DIO2: variants seen among roughly 807,000 people sequenced by gnomAD.
DIO2 encodes the protein iodothyronine deiodinase 2.
A neutral mutation model predicts 21.4 loss-of-function variants in DIO2; 19 were observed. The observed-to-expected ratio is 0.89, with a 90% CI of 0.62 to 1.30. DIO2 has a LOEUF of 1.30. Ranked by LOEUF, DIO2 falls within the 50% of genes most tolerant of loss-of-function variation. The probability of loss-of-function intolerance (pLI) is 0.00; values close to 1 mark genes in which losing one functional copy is unlikely to be tolerated. For synonymous variants in DIO2, 122 were observed against 132.9 expected, an observed-to-expected ratio of 0.92 and a Z score of 0.57; for missense variants, 302 against 338.1, an observed-to-expected ratio of 0.89 and a Z score of 0.84.
intron 1 of DIO2, among the ~76,000 whole-genome samples, chr14:80,206,491 C>A (rs935042414): frequency 6.6e-6 from 1 of 151,800 alleles, no homozygotes; most frequent in Admixed American, 6.6e-5. Flanking sequence ...AAATGGAGAA[C>A]TTCTTGGTTT....
rs76624161 is a variant in DIO2 at position 80,219,839 on chromosome 14, G to A, written c.-277-3102C>T. Among the ~76,000 whole-genome samples the A allele has an allele frequency of 5.9e-5, 9 of 152,218 alleles. No individual in the cohort carries two copies. In the East Asian group the frequency reaches 1.4e-3, roughly 23 times the overall value. On this transcript the variant is annotated intron_variant, in intron 2 of 4. Transcript: ENST00000553594. The stretch of plus-strand genomic sequence containing the variant: ...GTATTACAAAATGAAATTCATTCAC[G>A]TGGTATTTGATAATGGAACAAGTTT...
At chr14:80,215,152 C>T (rs144961880), upstream of DIO2, among the ~76,000 whole-genome samples, 527 of 152,266 alleles carry the variant, frequency 3.5e-3, 2 homozygotes, top group Non-Finnish European at 6.1e-3. Context: ...TGCAAACCAA[C>T]GAGGGGCATG....
At chr14:80,229,332 T>C (rs908270997) in intron 2 of DIO2, among the ~76,000 whole-genome samples, 5 of 152,204 alleles carry the variant, frequency 3.3e-5, no homozygotes, top group African/African-American at 1.2e-4. Flanking sequence ...TTGCCTTTGA[T>C]GGTTGAGTGC....
chr14:80,205,432 T>C (rs759334718), intron 1 of DIO2, among the ~76,000 whole-genome samples: 1 of 152,218 alleles, frequency 6.6e-6, no homozygotes. Flanking sequence ...AAAACATTCA[T>C]CTGCATTTTG....
chr14:80,209,015 T>C (rs532066207), intron 1 of DIO2, among the ~76,000 whole-genome samples: 6 of 152,148 alleles, frequency 3.9e-5, no homozygotes, highest in African/African-American at 1.2e-4. Flanking sequence ...GACAAAGAAA[T>C]ACAGAATAGG....
upstream of DIO2, chr14:80,216,233 G>A (rs1888349587): frequency 1.3e-5 from 2 of 152,310 alleles, no homozygotes; most frequent in Admixed American, 6.5e-5. Context: ...GGGAGATAAA[G>A]ATGGTAGGAG....
At chr14:80,223,199 AT>A (rs1247858208) in intron 2 of DIO2, among the ~76,000 whole-genome samples, 1 of 151,938 alleles carries the variant, frequency 6.6e-6, no homozygotes, top group Non-Finnish European at 1.5e-5. Flanking sequence ...TTGAAATTTT[AT>A]TTTTTTAATT....
upstream of DIO2, chr14:80,211,702 G>T: frequency 3.8e-6 from 1 of 263,766 alleles, no homozygotes; most frequent in Non-Finnish European, 6.8e-6. Flanking sequence ...GTTGGAGTGT[G>T]CCCATCAATT....
chr14:80,229,102 G>A (rs1419627368), intron 2 of DIO2, among the ~76,000 whole-genome samples: 2 of 152,134 alleles, frequency 1.3e-5, no homozygotes, highest in African/African-American at 2.4e-5. Context: ...AATTGATTGA[G>A]GGGCCATGAT....
chr14:80,212,365 G>A (rs1440798384), upstream of DIO2, among the ~76,000 whole-genome samples: 1 of 151,960 alleles, frequency 6.6e-6, no homozygotes, highest in East Asian at 1.9e-4. Flanking sequence ...GTTGGGGAGA[G>A]ACAGTGGAAT....
chr14:80,227,776 C>T (rs1888605217), intron 2 of DIO2, among the ~76,000 whole-genome samples: 1 of 152,170 alleles, frequency 6.6e-6, no homozygotes, highest in Non-Finnish European at 1.5e-5. Flanking sequence ...GGATTCCACT[C>T]AAAAATGGCA....
upstream of DIO2, among the ~76,000 whole-genome samples, chr14:80,213,511 G>A (rs1566665162): frequency 6.6e-6 from 1 of 152,090 alleles, no homozygotes; most frequent in Non-Finnish European, 1.5e-5. Context: ...TGTTTGGTTG[G>A]CAGGTTGCTT....
intron 1 of DIO2, among the ~76,000 whole-genome samples, chr14:80,207,565 C>A (rs772132626): frequency 2.6e-5 from 4 of 152,134 alleles, no homozygotes; most frequent in Non-Finnish European, 5.9e-5. Context: ...ATCCAAAGCC[C>A]TGAAAATGGC....
intron 2 of DIO2, among the ~76,000 whole-genome samples, chr14:80,224,432 A>G (rs959409323): frequency 1.3e-5 from 2 of 151,590 alleles, no homozygotes; most frequent in Non-Finnish European, 2.9e-5. Flanking sequence ...AAGTTATCCT[A>G]GATTATCTGA....
In DIO2 at chr14:80,211,468, C is replaced by T. The variant is rs1158536632; in HGVS notation, c.5G>A (p.Gly2Asp). Residue 2 changes from glycine to aspartate, a missense_variant, in exon 1 of 2, where the codon GGC becomes GAC. Gly to Asp is a moderately conservative substitution (Grantham distance 94, BLOSUM62 -1). Transcript: ENST00000438257. Reference sequence around the variant, plus strand: ...GATCAGCAAGTCTACGCTGAGGATGCCCATCTTCTCTGCCTCCTGAGTCAG... The same window carrying T: ...GATCAGCAAGTCTACGCTGAGGATGTCCATCTTCTCTGCCTCCTGAGTCAG... M[G>D]ILSVDLLITL... 8 of 1,605,650 alleles carry T rather than the reference C, an allele frequency of 5.0e-6. No individual in the cohort carries two copies. The highest frequency in any genetic ancestry group is 2.7e-5 in the African/African-American group (2 of 74,126).
intron 1 of DIO2, chr14:80,205,574 C>G: frequency 6.2e-6 from 8 of 1,286,776 alleles, no homozygotes; most frequent in Non-Finnish European, 8.0e-6. Context: ...TAATCTGTTG[C>G]TTTAGTCACA....
At chr14:80,225,912 GGC>G (rs1255087077) in intron 2 of DIO2, among the ~76,000 whole-genome samples, 2 of 152,144 alleles carry the variant, frequency 1.3e-5, no homozygotes, top group Non-Finnish European at 2.9e-5. Flanking sequence ...GTGTCCAGGT[GGC>G]AATCTTAACT....
intron 2 of DIO2, among the ~76,000 whole-genome samples, chr14:80,228,594 G>T (rs868786003): frequency 1.3e-5 from 2 of 152,160 alleles, no homozygotes; most frequent in Non-Finnish European, 2.9e-5. Context: ...TTTCTAGGTA[G>T]AGCCAGCTCT....
intron 2 of DIO2, among the ~76,000 whole-genome samples, chr14:80,221,265 T>C (rs1262430294): frequency 6.6e-6 from 1 of 152,172 alleles, no homozygotes; most frequent in Non-Finnish European, 1.5e-5. Context: ...TTTTTTTCTC[T>C]TATATCTACC....
Sources: allele counts gnomAD v4.1 joint callset (sites outside exome capture counted in the v4.1 genomes callset), GRCh38; gene constraint gnomAD v4.1.1; transcripts MANE v1.5; gene names NCBI Gene and HGNC (gene_info 2026-07-23, HGNC 2026-07-21).